CYTIP: variants seen among roughly 807,000 people sequenced by gnomAD.
CYTIP encodes cytohesin-interacting protein.
A neutral mutation model predicts 43.8 loss-of-function variants in CYTIP; 26 were observed. The ratio of observed to expected loss-of-function variants is 0.59; its 90% CI spans 0.44 to 0.82. CYTIP has a LOEUF of 0.82. CYTIP is among the 40% of genes least tolerant of loss of function. CYTIP has a pLI of 0.00. For missense variants in CYTIP, 426 were observed against 443.1 expected, an observed-to-expected ratio of 0.96 and a Z score of 0.35; for synonymous variants, 162 against 162.9, an observed-to-expected ratio of 0.99 and a Z score of 0.04.
chr2:157,427,135 A>G (rs1023098717), intron 6 of CYTIP, among the ~76,000 whole-genome samples: 1 of 152,194 alleles, frequency 6.6e-6, no homozygotes, highest in Non-Finnish European at 1.5e-5. Context: ...AGCCTCATAG[A>G]CACACAGAAG....
chr2:157,443,036 C>G (rs1337865006), intron 1 of CYTIP, among the ~76,000 whole-genome samples: 1 of 151,982 alleles, frequency 6.6e-6, no homozygotes. Context: ...ACGAAAAAAT[C>G]AAAATAAATT....
intron 2 of CYTIP, 135 bp downstream of exon 2, chr2:157,434,563 T>A (rs1174742074): frequency 5.9e-6 from 5 of 854,684 alleles, no homozygotes; most frequent in Non-Finnish European, 9.5e-6. Context: ...ATTCTGTGTG[T>A]GTGTCTGTGT....
In CYTIP at chr2:157,434,812, ATCTCTCTCTCTC is replaced by A. The variant is rs113065609; in HGVS notation, c.175-77_175-66del. 1.2e-3 allele frequency: 499 copies of A among 415,392 alleles called. 1 individual carries two copies. The highest frequency in any genetic ancestry group is 4.4e-3 in the African/African-American group (115 of 25,890). 25.7% of individuals were successfully genotyped at this position (415,392 alleles called of 1,614,324 possible). On this transcript the variant is annotated intron_variant, in intron 1 of 7. Transcript: ENST00000264192. Reference sequence around the variant, plus strand: ...CAAGATACACTGTAAAATGTTCTAAATCTCTCTCTCTCTCTCTCTCTCTCTCTCTCTCTCTCT... The same window carrying A: ...CAAGATACACTGTAAAATGTTCTAAATCTCTCTCTCTCTCTCTCTCTCTCT...
intron 5 of CYTIP, 47 bp from the exon 6 acceptor site, chr2:157,427,467 C>A: frequency 5.0e-6 from 7 of 1,412,776 alleles, no homozygotes; most frequent in Non-Finnish European, 6.8e-6. Flanking sequence ...GAGTGAGTAA[C>A]ATGAGTGATT....
chr2:157,442,792 C>T (rs528126467), intron 1 of CYTIP, among the ~76,000 whole-genome samples: 1 of 152,170 alleles, frequency 6.6e-6, no homozygotes, highest in Non-Finnish European at 1.5e-5. Flanking sequence ...ATGTCTCTCC[C>T]ACTATGCCAT....
chr2:157,415,589 T>C lies in CYTIP; in HGVS notation c.*88A>G. On this transcript the variant is annotated 3_prime_UTR_variant, in exon 8 of 8. Coordinates refer to ENST00000264192, the MANE Select transcript of CYTIP (RefSeq NM_004288.5). ...GTGAAATGGGATGTCAGTTTTGCAATTCTTCTGCACTTTCCCACCAAGCTG... is the reference window on the plus strand; with the variant it reads ...GTGAAATGGGATGTCAGTTTTGCAACTCTTCTGCACTTTCCCACCAAGCTG... 1 of 871,040 alleles carries C rather than the reference T, an allele frequency of 1.1e-6. No homozygotes were observed. Among genetic ancestry groups the C allele is most frequent in the South Asian group, 1.7e-5 (1 of 58,942 alleles). The allele number at this position is 871,040 out of a possible 1,614,324, so 54.0% of individuals were successfully genotyped here. A position where few individuals can be genotyped will look rare whatever the true frequency, so the allele number is the denominator to read the frequency against.
chr2:157,427,252 C>A, intron 6 of CYTIP, 99 bp downstream of exon 6: 2 of 980,996 alleles, frequency 2.0e-6, no homozygotes, highest in Non-Finnish European at 1.5e-6. Flanking sequence ...CACGACATTT[C>A]TTTTTCAAGG....
At chr2:157,424,700 T>G (rs1418168147) in intron 6 of CYTIP, among the ~76,000 whole-genome samples, 1 of 151,994 alleles carries the variant, frequency 6.6e-6, no homozygotes, top group Non-Finnish European at 1.5e-5. Flanking sequence ...CAAAAATAGA[T>G]AAATAAAATT....
intron 6 of CYTIP, among the ~76,000 whole-genome samples, chr2:157,423,737 A>C (rs1685559581): frequency 6.6e-6 from 1 of 152,156 alleles, no homozygotes; most frequent in African/African-American, 2.4e-5. Context: ...TCCTAAATAC[A>C]ATATTAGCAA....
In CYTIP at chr2:157,430,973, T is replaced by G; in HGVS notation, c.280-11A>C. The G allele has an allele frequency of 6.3e-7, 1 of 1,589,568 alleles. No homozygotes were observed. The highest frequency in any genetic ancestry group is 8.5e-7 in the Non-Finnish European group (1 of 1,169,590). ...CTGGGGCCTGTAAGACTGTAAAAAT[T>G]AAGATGATATATAGTTACTATTTAA... On this transcript the variant is annotated splice_polypyrimidine_tract_variant and intron_variant, in intron 3 of 7. Coordinates refer to ENST00000264192, the MANE Select transcript of CYTIP (RefSeq NM_004288.5).
intron 1 of CYTIP, among the ~76,000 whole-genome samples, chr2:157,442,131 A>G (rs563807412): frequency 1.5e-4 from 23 of 152,300 alleles, no homozygotes; most frequent in African/African-American, 5.5e-4. Context: ...AATACCCTTC[A>G]ATATCTGGAA....
chr2:157,417,898 T>C (rs944524138), intron 7 of CYTIP, among the ~76,000 whole-genome samples: 9 of 152,364 alleles, frequency 5.9e-5, no homozygotes, highest in South Asian at 4.1e-4. Flanking sequence ...GTGAATTATT[T>C]GTACACAAAA....
rs1422878224 is a variant in CYTIP at position 157,434,282 on chromosome 2, C to A, written c.279+88G>T. 5 of 1,077,440 alleles carry A rather than the reference C, an allele frequency of 4.6e-6. No individual in the cohort carries two copies. In the Admixed American group the frequency reaches 5.4e-5, roughly 12 times the overall value. The allele number at this position is 1,077,440 out of a possible 1,614,324, so 66.7% of individuals were successfully genotyped here. On this transcript the variant is annotated intron_variant, in intron 3 of 7. Transcript: ENST00000264192. ...GTCATAGGCTCCATCATTCTCTAAT[C>A]CTAACTTCATTTTTTCTTTGCACAT... is the stretch of plus-strand genomic sequence containing the variant.
rs1032966007 is a variant in CYTIP, at chr2:157,414,919, T to C, written c.*758A>G. 2.0e-4 allele frequency: 31 copies of C among 152,250 alleles called. No homozygotes were observed. The highest frequency in any genetic ancestry group is 6.5e-4 in the African/African-American group (27 of 41,562). 9.4% of individuals were successfully genotyped at this position (152,250 alleles called of 1,614,324 possible). ...ATGTTAGACATTTGTAGAAAAAAAA[T>C]TACAAAGCTGTAGGATTCGGAGAGT... On this transcript the variant is annotated 3_prime_UTR_variant, in exon 8 of 8. Coordinates refer to ENST00000264192, the MANE Select transcript of CYTIP (RefSeq NM_004288.5).
intron 1 of CYTIP, among the ~76,000 whole-genome samples, chr2:157,434,972 T>C (rs980377332): frequency 5.9e-5 from 9 of 151,452 alleles, no homozygotes; most frequent in Admixed American, 3.9e-4. Flanking sequence ...TTCCATTCTC[T>C]ACATTCTCTA....
chr2:157,419,199 C>T (rs1685483235), intron 6 of CYTIP, among the ~76,000 whole-genome samples: 1 of 152,174 alleles, frequency 6.6e-6, no homozygotes, highest in Admixed American at 6.5e-5. Flanking sequence ...GGGGTTTCAC[C>T]ACGCTGGCCA....
chr2:157,438,965 T>A, intron 1 of CYTIP: 1 of 413,192 alleles, frequency 2.4e-6, no homozygotes, highest in South Asian at 1.9e-5. Context: ...AAAGTCATTC[T>A]GGATAGATTC....
At chr2:157,427,526 T>G (rs1451611040) in intron 5 of CYTIP, 106 bp from the exon 6 acceptor site, 6 of 735,288 alleles carry the variant, frequency 8.2e-6, no homozygotes, top group Non-Finnish European at 1.2e-5. Context: ...GAGCACATAC[T>G]ATACTAAAAA....
In CYTIP at chr2:157,416,022, G is replaced by A. The variant is rs780972705; in HGVS notation, c.735C>T (p.Ser245=). ...VDRNRLSSES[S]CKSWLSSMTM... is the part of the protein sequence containing the mutation. ...TCATGGAGCTCAGCCAGCTCTTACA[G>A]CTGCTCTCACTGGATAATCGATTCC... Residue 245 remains serine (S), a synonymous_variant, in exon 8 of 8, where the codon AGC becomes AGT. Transcript: ENST00000264192. The A allele has an allele frequency of 6.2e-7, 1 of 1,614,218 alleles. No homozygotes were observed. The highest frequency in any genetic ancestry group is 1.7e-5 in the Admixed American group (1 of 60,034).
Sources: gnomAD v4.1 joint callset for allele counts (sites outside exome capture counted in the v4.1 genomes callset) on GRCh38, gnomAD v4.1.1 for gene constraint, MANE v1.5 for transcripts, NCBI Gene and HGNC (gene_info 2026-07-23, HGNC 2026-07-21) for gene names.